Variants in CHSY3 observed in about 807,000 individuals in gnomAD.
CHSY3 encodes the protein chondroitin sulfate synthase 3.
CHSY3 carries 35 observed loss-of-function variants against 67.2 expected under a neutral mutation model. The observed-to-expected ratio is 0.52, with a 90% CI of 0.40 to 0.69. The LOEUF is 0.69. CHSY3 is among the 30% of genes least tolerant of loss of function. The pLI is 0.00. For synonymous variants in CHSY3, 474 were observed against 434.7 expected, an observed-to-expected ratio of 1.09 and a Z score of -1.12; for missense variants, 1,069 against 1,138.5, an observed-to-expected ratio of 0.94 and a Z score of 0.88.
intron 2 of CHSY3, among the ~76,000 whole-genome samples, chr5:130,168,428 G>T (rs1011810751): frequency 6.6e-6 from 1 of 152,060 alleles, no homozygotes; most frequent in Non-Finnish European, 1.5e-5. Context: ...AGAGATGGAG[G>T]ACTCCCATCA....
At chr5:130,060,641 T>A (rs1765681442) in intron 2 of CHSY3, among the ~76,000 whole-genome samples, 1 of 152,160 alleles carries the variant, frequency 6.6e-6, no homozygotes, top group South Asian at 2.1e-4. Context: ...GCTTGTGACA[T>A]GATTATACAC....
chr5:130,135,264 G>T (rs1265327255), intron 2 of CHSY3, among the ~76,000 whole-genome samples: 1 of 149,788 alleles, frequency 6.7e-6, no homozygotes, highest in Non-Finnish European at 1.5e-5. Context: ...AGTTTAATAA[G>T]TGTGTGTATA....
rs560265297 is a variant in CHSY3, at chr5:130,091,848, C to T, written c.1087-92381C>T. The stretch of plus-strand genomic sequence containing the variant: ...CAGAGTTAATTGTTATTTCTTGGTA[C>T]CGCAGGCTTCATAAGGTTAACTAGC... On this transcript the variant is annotated intron_variant, in intron 2 of 2. Transcript: ENST00000305031. Among the ~76,000 whole-genome samples, 49 of 152,282 alleles carry T rather than the reference C, an allele frequency of 3.2e-4. 1 individual carries two copies. In the South Asian group the frequency reaches 0.01, roughly 32 times the overall value.
At chr5:129,906,513 C>CA (rs1308167549) in intron 1 of CHSY3, among the ~76,000 whole-genome samples, 1 of 152,152 alleles carries the variant, frequency 6.6e-6, no homozygotes, top group Non-Finnish European at 1.5e-5. Flanking sequence ...CACAGGCAGC[C>CA]ACAGCAAGAA....
chr5:130,121,155 G>A (rs1198180171), intron 2 of CHSY3, among the ~76,000 whole-genome samples: 1 of 152,144 alleles, frequency 6.6e-6, no homozygotes, highest in Admixed American at 6.5e-5. Context: ...TCAGCTGGGG[G>A]AGTCTTGTTA....
Position 129,904,790 on chromosome 5 carries a change from C to T in CHSY3, c.-40C>T, listed in dbSNP as rs1359320916. 12 of 1,315,202 alleles carry T rather than the reference C, an allele frequency of 9.1e-6. 1 individual carries two copies. In the South Asian group the frequency reaches 2.1e-4, roughly 23 times the overall value. The allele number at this position is 1,315,202 out of a possible 1,614,324, so 81.5% of individuals were successfully genotyped here. ...GAGCCGGGGAAACCGCGTGCCGCGC[C>T]GCGACAGCCCAGCGAGCGTCCGCGC... On this transcript the variant is annotated 5_prime_UTR_variant, in exon 1 of 3. Transcript: ENST00000305031.
chr5:129,920,833 A>C (rs769592979), intron 2 of CHSY3, among the ~76,000 whole-genome samples: 36 of 147,702 alleles, frequency 2.4e-4, no homozygotes, highest in Non-Finnish European at 4.6e-4. Flanking sequence ...TTTCTTTTTT[A>C]TTTAAGACTG....
intron 2 of CHSY3, among the ~76,000 whole-genome samples, chr5:130,070,853 G>A (rs1766038390): frequency 6.6e-6 from 1 of 152,020 alleles, no homozygotes; most frequent in South Asian, 2.1e-4. Context: ...TAAGAACAGT[G>A]ATATTTTGAC....
At chr5:130,061,545 G>C (rs988137332) in intron 2 of CHSY3, among the ~76,000 whole-genome samples, 1 of 151,908 alleles carries the variant, frequency 6.6e-6, no homozygotes, top group Non-Finnish European at 1.5e-5. Flanking sequence ...AAAAACAAAA[G>C]TAGACAAATG....
In CHSY3 at chr5:130,152,918, C is replaced by T. The variant is rs149198421; in HGVS notation, c.1087-31311C>T. Among the ~76,000 whole-genome samples, 304 of 152,226 alleles carry T rather than the reference C, an allele frequency of 2.0e-3. 2 individuals carry two copies. The highest frequency in any genetic ancestry group is 6.8e-3 in the Middle Eastern group (2 of 294). On this transcript the variant is annotated intron_variant, in intron 2 of 2. Coordinates refer to ENST00000305031, the MANE Select transcript of CHSY3 (RefSeq NM_175856.5). ...TCTGTAGCCCCAGTCAAATCAATGG[C>T]ATGTTACATAAAAGCAACTACTGAT... is the stretch of plus-strand genomic sequence containing the variant.
At chr5:130,078,565 A>G (rs768793130) in intron 2 of CHSY3, among the ~76,000 whole-genome samples, 3 of 152,168 alleles carry the variant, frequency 2.0e-5, no homozygotes, top group Admixed American at 1.3e-4. Flanking sequence ...TTTATTAGAT[A>G]TTCAAAACCC....
rs2149730914 is a variant in CHSY3, at chr5:130,167,109, T to A, written c.1087-17120T>A. ...TTGTTTGTTTTCCTTTTTTTTCCCC[T>A]GCTCCTTTTTTATTGTGTAAATTTA... is the stretch of plus-strand genomic sequence containing the variant. On this transcript the variant is annotated intron_variant, in intron 2 of 2. Coordinates refer to ENST00000305031, the MANE Select transcript of CHSY3 (RefSeq NM_175856.5). Among the ~76,000 whole-genome samples the A allele has an allele frequency of 1.3e-5, 2 of 152,252 alleles. 1 individual carries two copies. Among genetic ancestry groups the A allele is most frequent in the South Asian group, 4.1e-4 (2 of 4,828 alleles).
chr5:129,915,505 T>G (rs955488750), intron 2 of CHSY3, among the ~76,000 whole-genome samples: 2 of 152,188 alleles, frequency 1.3e-5, no homozygotes, highest in African/African-American at 4.8e-5. Context: ...ATTTTTGAAG[T>G]AACAGATGAA....
intron 2 of CHSY3, among the ~76,000 whole-genome samples, chr5:130,001,222 G>A (rs1264846522): frequency 6.6e-6 from 1 of 152,084 alleles, no homozygotes; most frequent in Non-Finnish European, 1.5e-5. Flanking sequence ...TAGGCAAAGG[G>A]CTCCACCTCT....
At chr5:130,159,306 A>T (rs2149727365) in intron 2 of CHSY3, among the ~76,000 whole-genome samples, 1 of 151,762 alleles carries the variant, frequency 6.6e-6, no homozygotes, top group East Asian at 1.9e-4. Flanking sequence ...CCAGGACTAC[A>T]GGCGTGCGCC....
intron 2 of CHSY3, among the ~76,000 whole-genome samples, chr5:130,109,412 A>G (rs1767519212): frequency 1.3e-5 from 2 of 151,726 alleles, no homozygotes; most frequent in African/African-American, 4.8e-5. Context: ...ACCAAGGCAA[A>G]ATGGATACCT....
chr5:130,079,271 T>G (rs1766370961), intron 2 of CHSY3, among the ~76,000 whole-genome samples: 1 of 152,158 alleles, frequency 6.6e-6, no homozygotes, highest in Non-Finnish European at 1.5e-5. Flanking sequence ...TGACTTGTAT[T>G]GCTTTTACCT....
intron 2 of CHSY3, among the ~76,000 whole-genome samples, chr5:130,070,979 G>T (rs922694129): frequency 7.2e-5 from 11 of 152,136 alleles, no homozygotes; most frequent in Non-Finnish European, 1.5e-4. Context: ...AAACTATATA[G>T]GTTCCTGTGT....
chr5:130,173,630 GTTC>G (rs1244955277), intron 2 of CHSY3, among the ~76,000 whole-genome samples: 1 of 151,998 alleles, frequency 6.6e-6, no homozygotes, highest in Non-Finnish European at 1.5e-5. Context: ...GTAGCAAAAT[GTTC>G]TTATTTTATA....
Sources: allele counts gnomAD v4.1 joint callset (sites outside exome capture counted in the v4.1 genomes callset), GRCh38; gene constraint gnomAD v4.1.1; transcripts MANE v1.5; gene names NCBI Gene and HGNC (gene_info 2026-07-23, HGNC 2026-07-21).